The following PRH1 variants were observed in gnomAD, a reference collection of about 807,000 sequenced individuals.
PRH1 encodes the protein salivary acidic proline-rich phosphoprotein 1/2.
A neutral mutation model predicts 7.9 loss-of-function variants in PRH1; 7 were observed. The ratio of observed to expected loss-of-function variants is 0.89; its 90% CI spans 0.50 to 1.67. The LOEUF (loss-of-function observed/expected upper bound fraction) is 1.67. Ranked by LOEUF, PRH1 falls within the 40% of genes most tolerant of loss-of-function variation. The pLI is 0.00. For synonymous variants in PRH1, 45 were observed against 80.8 expected (o/e 0.56, Z 2.38); for missense variants, 109 against 223.6 (o/e 0.49, Z 3.27).
At chr12:10,908,935 A>G in intron 2 of PRH1, 1 of 1,613,392 alleles carries the variant, frequency 6.2e-7, no homozygotes, top group Non-Finnish European at 8.5e-7. Flanking sequence ...CTCCACTTCA[A>G]ATAGAGAAAA....
intron 1 of PRH1, among the ~76,000 whole-genome samples, chr12:11,139,130 G>T (rs1257843859): frequency 1.3e-5 from 2 of 152,100 alleles, no homozygotes; most frequent in South Asian, 4.1e-4. Context: ...AATTACAATG[G>T]TATCTATGAG....
intron 2 of PRH1, chr12:10,964,359 A>G (rs554574027): frequency 8.6e-5 from 18 of 208,510 alleles, no homozygotes; most frequent in African/African-American, 4.2e-4. Flanking sequence ...GAAAGTATAA[A>G]ATGTTCCAGA....
chr12:11,091,277 T>C (rs142121115), intron 1 of PRH1: 17,198 of 1,049,886 alleles, frequency 0.016, 3,771 homozygotes, highest in Middle Eastern at 0.031. Context: ...TGCTAGAAGA[T>C]ACACAATGCC....
At chr12:10,908,523 T>C (rs1015443) in intron 2 of PRH1, 916,181 of 1,613,260 alleles carry the variant, frequency 0.57, 266,566 homozygotes, top group East Asian at 0.73. Context: ...GATCACTGTG[T>C]TCTGATACAG....
chr12:11,137,260 T>C (rs1217193290), intron 1 of PRH1, among the ~76,000 whole-genome samples: 7 of 152,242 alleles, frequency 4.6e-5, no homozygotes, highest in African/African-American at 1.2e-4. Flanking sequence ...TCTTCATTTA[T>C]AACAATCTTT....
intron 1 of PRH1, among the ~76,000 whole-genome samples, chr12:10,980,266 C>A (rs1591760324): frequency 6.6e-6 from 1 of 152,128 alleles, no homozygotes. Context: ...GTACCAAATG[C>A]AAGAAATAAA....
downstream of PRH1, among the ~76,000 whole-genome samples, chr12:11,116,668 G>T (rs1436577595): frequency 6.6e-6 from 1 of 151,884 alleles, no homozygotes; most frequent in Non-Finnish European, 1.5e-5. Flanking sequence ...TGATTCCAAA[G>T]TCTCAATACT....
At chr12:10,936,274 C>T (rs1036676809) in intron 2 of PRH1, among the ~76,000 whole-genome samples, 1 of 151,976 alleles carries the variant, frequency 6.6e-6, no homozygotes, top group African/African-American at 2.4e-5. Flanking sequence ...ACATAAGGCC[C>T]AGGCTAAGAT....
At chr12:10,964,370 C>T in intron 2 of PRH1, 1 of 218,696 alleles carries the variant, frequency 4.6e-6, no homozygotes, top group Non-Finnish European at 9.9e-6. Context: ...ATGTTCCAGA[C>T]AACATCAGTT....
At chr12:10,973,488 C>A in intron 2 of PRH1, 2 of 496,174 alleles carry the variant, frequency 4.0e-6, no homozygotes, top group Admixed American at 3.6e-5. Context: ...CTTAGGATAG[C>A]CATCTGTAAA....
At chr12:11,169,355 G>A (rs1342181664) in intron 1 of PRH1, among the ~76,000 whole-genome samples, 2 of 152,222 alleles carry the variant, frequency 1.3e-5, no homozygotes, top group African/African-American at 4.8e-5. Flanking sequence ...CAGGTGGAAA[G>A]AAGGAAATCT....
intron 1 of PRH1, among the ~76,000 whole-genome samples, chr12:11,024,899 T>G (rs984300229): frequency 6.6e-6 from 1 of 152,236 alleles, no homozygotes; most frequent in African/African-American, 2.4e-5. Context: ...TACCTTTATC[T>G]CCAGCCTCTT....
intron 2 of PRH1, among the ~76,000 whole-genome samples, chr12:10,902,627 A>G (rs1949738853): frequency 1.3e-5 from 2 of 152,146 alleles, no homozygotes; most frequent in Admixed American, 1.3e-4. Flanking sequence ...AGAGAAAAAG[A>G]TCAGATCACA....
intron 1 of PRH1, among the ~76,000 whole-genome samples, chr12:11,137,759 G>C (rs982788231): frequency 4.6e-5 from 7 of 152,156 alleles, no homozygotes; most frequent in African/African-American, 1.7e-4. Flanking sequence ...CAATAATTAT[G>C]ATCTTTTTAA....
chr12:11,148,520 C>A (rs1211119818), intron 1 of PRH1, among the ~76,000 whole-genome samples: 1 of 147,126 alleles, frequency 6.8e-6, no homozygotes, highest in Non-Finnish European at 1.5e-5. Context: ...TTGTCAAAGG[C>A]CTTTTCTGCA....
intron 1 of PRH1, among the ~76,000 whole-genome samples, chr12:10,979,188 G>A (rs1939240522): frequency 6.6e-6 from 1 of 152,112 alleles, no homozygotes; most frequent in Admixed American, 6.6e-5. Flanking sequence ...AATCTATACA[G>A]CAAGTTCCCA....
chr12:10,909,495 A>G, intron 2 of PRH1: 2 of 502,352 alleles, frequency 4.0e-6, no homozygotes, highest in South Asian at 4.5e-5. Context: ...TTCTGGTGAT[A>G]TCTTTATTTT....
chr12:11,099,334 C>G (rs775668909), intron 1 of PRH1, among the ~76,000 whole-genome samples: 1 of 151,880 alleles, frequency 6.6e-6, no homozygotes, highest in Non-Finnish European at 1.5e-5. Flanking sequence ...TCAGATTGCC[C>G]CCACCTGATC....
intron 1 of PRH1, among the ~76,000 whole-genome samples, chr12:11,003,761 TTGAA>T (rs1940700940): frequency 6.6e-6 from 1 of 151,982 alleles, no homozygotes; most frequent in Admixed American, 6.6e-5. Context: ...TGTGATTATA[TTGAA>T]TGTTTTTGAT....
Sources: gnomAD v4.1 joint callset for allele counts (sites outside exome capture counted in the v4.1 genomes callset) on GRCh38, gnomAD v4.1.1 for gene constraint, MANE v1.5 for transcripts, NCBI Gene and HGNC (gene_info 2026-07-23, HGNC 2026-07-21) for gene names.